ADK: variants seen among roughly 807,000 people sequenced by gnomAD.
ADK encodes adenosine kinase.
A neutral mutation model predicts 44.7 loss-of-function variants in ADK; 24 were observed. The ratio of observed to expected loss-of-function variants is 0.54; its 90% CI spans 0.39 to 0.76. The LOEUF is 0.76. ADK is among the 30% of genes least tolerant of loss of function. The pLI is 0.00. For missense variants in ADK, 321 were observed against 425.1 expected, an observed-to-expected ratio of 0.76 and a Z score of 2.15; for synonymous variants, 128 against 142.6, an observed-to-expected ratio of 0.90 and a Z score of 0.73.
intron 4 of ADK, among the ~76,000 whole-genome samples, chr10:74,380,315 AAAAT>A (rs1282954585): frequency 2.0e-5 from 3 of 152,222 alleles, no homozygotes; most frequent in Admixed American, 6.5e-5. Context: ...ATGAACAAAC[AAAAT>A]AAATCATTAT....
At position 74,203,113 on chromosome 10, in the gene ADK, GT is replaced by G. The variant is rs571119120; in HGVS notation, c.140+2277del. On this transcript the variant is annotated intron_variant, in intron 2 of 10. Transcript: ENST00000539909. ...GATTTAGGCATTTGATCAATTTTGA[GT>G]TAATTTTTGTATAAGGTATGAAATA... Among the ~76,000 whole-genome samples, 79 of 152,166 alleles carry G rather than the reference GT, an allele frequency of 5.2e-4. 1 individual carries two copies. Among genetic ancestry groups the G allele is most frequent in the Admixed American group, 1.4e-3 (22 of 15,274 alleles).
At chr10:74,480,333 A>G (rs1202322712) in intron 6 of ADK, among the ~76,000 whole-genome samples, 1 of 151,508 alleles carries the variant, frequency 6.6e-6, no homozygotes, top group Admixed American at 6.6e-5. Context: ...AGCTCAAACA[A>G]TCATCCAACC....
At chr10:74,371,951 C>T (rs752476680) in intron 4 of ADK, 58 of 1,072,098 alleles carry the variant, frequency 5.4e-5, no homozygotes, top group Non-Finnish European at 8.0e-5. Flanking sequence ...AGGCATCTTA[C>T]GTTAACCTAT....
At chr10:74,325,763 T>A (rs1276102683) in intron 4 of ADK, among the ~76,000 whole-genome samples, 1 of 152,242 alleles carries the variant, frequency 6.6e-6, no homozygotes, top group African/African-American at 2.4e-5. Context: ...TAATGTGATA[T>A]ATCACAGTTA....
intron 1 of ADK, among the ~76,000 whole-genome samples, chr10:74,179,699 A>G (rs1161464048): frequency 6.6e-6 from 1 of 152,230 alleles, no homozygotes; most frequent in Admixed American, 6.5e-5. Context: ...CTTTCCTGGA[A>G]AACTCATGAT....
chr10:74,663,507 T>A (rs1009220402), intron 9 of ADK, among the ~76,000 whole-genome samples: 1 of 152,072 alleles, frequency 6.6e-6, no homozygotes, highest in African/African-American at 2.4e-5. Flanking sequence ...CCATGAACAT[T>A]TAATTTTTCC....
In ADK at chr10:74,708,581, T is replaced by A; in HGVS notation, c.*136T>A. 2.1e-6 allele frequency: 2 copies of A among 956,566 alleles called. No individual in the cohort carries two copies. The highest frequency in any genetic ancestry group is 3.1e-6 in the Non-Finnish European group (2 of 642,372). The allele number at this position is 956,566 out of a possible 1,614,324, so 59.3% of individuals were successfully genotyped here. A position where few individuals can be genotyped will look rare whatever the true frequency, so the allele number is the denominator to read the frequency against. Reference sequence around the variant, plus strand: ...TAATGCTGAATCTTAATTTAGAGGGTACAAGGGTATGGTAATGCTTGTAGA... The same window carrying A: ...TAATGCTGAATCTTAATTTAGAGGGAACAAGGGTATGGTAATGCTTGTAGA... On this transcript the variant is annotated 3_prime_UTR_variant, in exon 11 of 11. Coordinates refer to ENST00000539909, the MANE Select transcript of ADK (RefSeq NM_006721.4).
chr10:74,570,993 A>G (rs1439402071), intron 7 of ADK, among the ~76,000 whole-genome samples: 1 of 152,218 alleles, frequency 6.6e-6, no homozygotes, highest in Non-Finnish European at 1.5e-5. Context: ...AGTTTTTAGC[A>G]TGAAGAGTTG....
intron 4 of ADK, among the ~76,000 whole-genome samples, chr10:74,348,946 C>G (rs1841867836): frequency 6.6e-6 from 1 of 151,800 alleles, no homozygotes; most frequent in African/African-American, 2.4e-5. Context: ...GATTGGTGTA[C>G]CTGAAAGTGA....
intron 9 of ADK, among the ~76,000 whole-genome samples, chr10:74,626,994 A>G (rs1853227786): frequency 6.6e-6 from 1 of 152,216 alleles, no homozygotes; most frequent in Non-Finnish European, 1.5e-5. Context: ...TTTCTACCAT[A>G]AATTAGAGAT....
chr10:74,406,505 AAAT>A (rs150030020), intron 6 of ADK, among the ~76,000 whole-genome samples: 10,504 of 133,760 alleles, frequency 0.079, 445 homozygotes, highest in Admixed American at 0.12. Flanking sequence ...ACTCCGATTA[AAAT>A]AATAATAATA....
chr10:74,490,026 A>AT (rs34632561), intron 6 of ADK, among the ~76,000 whole-genome samples: 102,882 of 151,696 alleles, frequency 0.68, 35,874 homozygotes, highest in Middle Eastern at 0.84. Flanking sequence ...TGAGCCCATC[A>AT]TTTGAAAGCA....
chr10:74,193,233 A>G (rs1843007526), intron 1 of ADK, among the ~76,000 whole-genome samples: 1 of 151,914 alleles, frequency 6.6e-6, no homozygotes, highest in South Asian at 2.1e-4. Flanking sequence ...GTAATTTATG[A>G]TTAGTGTTTT....
At chr10:74,594,667 T>C (rs1347274236) in intron 8 of ADK, among the ~76,000 whole-genome samples, 3 of 123,692 alleles carry the variant, frequency 2.4e-5, no homozygotes, top group Admixed American at 1.6e-4. Context: ...AAGATACAAA[T>C]AGGTAAAAAA....
intron 10 of ADK, among the ~76,000 whole-genome samples, chr10:74,701,609 AAATT>A (rs1287591673): frequency 6.6e-6 from 1 of 152,226 alleles, no homozygotes; most frequent in Non-Finnish European, 1.5e-5. Flanking sequence ...TTTAAGGACC[AAATT>A]AATTAAGGGC....
At chr10:74,501,736 A>G (rs1847891261) in intron 6 of ADK, among the ~76,000 whole-genome samples, 2 of 152,204 alleles carry the variant, frequency 1.3e-5, no homozygotes, top group South Asian at 2.1e-4. Flanking sequence ...AAGAAAATGG[A>G]CGAAGCCAGA....
intron 6 of ADK, among the ~76,000 whole-genome samples, chr10:74,423,055 G>T (rs563541499): frequency 6.6e-6 from 1 of 152,122 alleles, no homozygotes; most frequent in East Asian, 1.9e-4. Context: ...AGTCTGTTCC[G>T]CAAGAGGGAA....
intron 5 of ADK, among the ~76,000 whole-genome samples, chr10:74,396,351 T>A (rs1843508310): frequency 6.6e-6 from 1 of 152,090 alleles, no homozygotes; most frequent in South Asian, 2.1e-4. Context: ...CTGGCCAACA[T>A]GGCGAAACTC....
At chr10:74,473,922 A>C (rs1441914964) in intron 6 of ADK, among the ~76,000 whole-genome samples, 3 of 152,170 alleles carry the variant, frequency 2.0e-5, no homozygotes, top group Non-Finnish European at 4.4e-5. Context: ...TAGTGGAGAG[A>C]TATTATGAAA....
Sources: gnomAD v4.1 joint callset for allele counts (sites outside exome capture counted in the v4.1 genomes callset) on GRCh38, gnomAD v4.1.1 for gene constraint, MANE v1.5 for transcripts, NCBI Gene and HGNC (gene_info 2026-07-23, HGNC 2026-07-21) for gene names.